The following THRB variants were observed in gnomAD, a reference collection of about 807,000 sequenced individuals.
THRB encodes nuclear receptor subfamily 1 group A member 2.
Under a neutral mutation model 47.8 loss-of-function variants are expected in THRB, and 12 were observed. The ratio of observed to expected loss-of-function variants is 0.25; its 90% CI spans 0.16 to 0.41. THRB has a LOEUF of 0.41. Among genes scored for constraint, THRB ranks in the 10% least tolerant of loss-of-function variants. The probability of loss-of-function intolerance (pLI) is 1.00; values close to 1 mark genes in which losing one functional copy is unlikely to be tolerated. For missense variants in THRB, 348 were observed against 589.2 expected (o/e 0.59, Z 4.24); for synonymous variants, 218 against 212.2 (o/e 1.03, Z -0.24).
At chr3:24,486,341 G>C (rs929628161) in intron 1 of THRB, 1 of 152,100 alleles carries the variant, frequency 6.6e-6, no homozygotes, top group Admixed American at 6.6e-5. Context: ...AAGATTCCGA[G>C]CATCTCATCC....
chr3:24,407,998 T>A (rs1425233340), intron 1 of THRB, among the ~76,000 whole-genome samples: 1 of 151,918 alleles, frequency 6.6e-6, no homozygotes, highest in African/African-American at 2.4e-5. Flanking sequence ...CCTTTTCATA[T>A]GATTAAAAAG....
At chr3:24,257,223 G>C (rs2051387915) in intron 3 of THRB, among the ~76,000 whole-genome samples, 1 of 151,812 alleles carries the variant, frequency 6.6e-6, no homozygotes, top group South Asian at 2.1e-4. Context: ...GATGCCTTTA[G>C]TTTTTATTTT....
chr3:24,440,182 C>A (rs1019554449), intron 1 of THRB, among the ~76,000 whole-genome samples: 2 of 152,124 alleles, frequency 1.3e-5, no homozygotes, highest in African/African-American at 2.4e-5. Context: ...CATACTTGTT[C>A]AATTAAAACT....
At chr3:24,340,695 A>G (rs1027216547) in intron 1 of THRB, among the ~76,000 whole-genome samples, 2 of 152,204 alleles carry the variant, frequency 1.3e-5, no homozygotes, top group African/African-American at 4.8e-5. Flanking sequence ...TGGCCATTCA[A>G]TGGGAATGCA....
At chr3:24,190,490 C>T (rs139405267) in intron 4 of THRB, among the ~76,000 whole-genome samples, 156 bp from the exon 5 acceptor site, 70 of 151,956 alleles carry the variant, frequency 4.6e-4, no homozygotes, top group African/African-American at 1.6e-3. Flanking sequence ...AATTTGTCAG[C>T]CTTGGGCATT....
chr3:24,197,182 C>T (rs1054703551), intron 4 of THRB, among the ~76,000 whole-genome samples: 1 of 152,218 alleles, frequency 6.6e-6, no homozygotes, highest in Non-Finnish European at 1.5e-5. Context: ...GGACATAATT[C>T]ATGCCCAGTT....
chr3:24,222,491 C>T (rs1667743), intron 4 of THRB, among the ~76,000 whole-genome samples: 1 of 151,866 alleles, frequency 6.6e-6, no homozygotes, highest in African/African-American at 2.4e-5. Flanking sequence ...TGTGTACAGC[C>T]GACTCATCAG....
intron 1 of THRB, among the ~76,000 whole-genome samples, chr3:24,477,006 G>T (rs1360203514): frequency 1.4e-5 from 2 of 137,932 alleles, no homozygotes; most frequent in African/African-American, 3.0e-5. Context: ...TGGTTTTCAA[G>T]ATTTTTTTTT....
intron 3 of THRB, among the ~76,000 whole-genome samples, chr3:24,269,278 CA>C (rs1404788228): frequency 0.1 from 83 of 822 alleles, no homozygotes; most frequent in African/African-American, 0.32. Flanking sequence ...ATGGATACAC[CA>C]CACACACACA....
intron 1 of THRB, among the ~76,000 whole-genome samples, chr3:24,407,425 A>G (rs2067916880): frequency 6.6e-6 from 1 of 151,766 alleles, no homozygotes; most frequent in African/African-American, 2.4e-5. Flanking sequence ...GGGGATGTGT[A>G]TATAATACCA....
rs542965462 is a variant in THRB at position 24,456,977 on chromosome 3, T to A, written c.-261+37675A>T. ...TTGTAAGGTTTGGGGCTTTTTGGTG[T>A]CATCAATTGGCAAACCTCTCCTAAT... On this transcript the variant is annotated intron_variant, in intron 1 of 10. Coordinates refer to ENST00000646209, the MANE Select transcript of THRB (RefSeq NM_001354712.2). Among the ~76,000 whole-genome samples, 3 of 152,234 alleles carry A rather than the reference T, an allele frequency of 2.0e-5. No individual in the cohort carries two copies. The East Asian group carries it at 5.8e-4, about 29-fold the overall frequency.
chr3:24,128,498 G>A (rs1418417021), intron 9 of THRB, among the ~76,000 whole-genome samples: 1 of 152,166 alleles, frequency 6.6e-6, no homozygotes, highest in African/African-American at 2.4e-5. Context: ...TGAGAATGTG[G>A]CAACGTTAAT....
At chr3:24,475,967 C>T in intron 1 of THRB, among the ~76,000 whole-genome samples, 1 of 152,188 alleles carries the variant, frequency 6.6e-6, no homozygotes, top group East Asian at 1.9e-4. Flanking sequence ...TCAGGAAAAT[C>T]TGAGGCCCTG....
At chr3:24,168,576 T>A (rs1054988325) in intron 5 of THRB, among the ~76,000 whole-genome samples, 1 of 151,192 alleles carries the variant, frequency 6.6e-6, no homozygotes, top group African/African-American at 2.4e-5. Flanking sequence ...GCATCAAGAT[T>A]TTTAAAAGAA....
intron 7 of THRB, 89 bp downstream of exon 7, chr3:24,146,586 G>T: frequency 2.2e-6 from 3 of 1,379,090 alleles, no homozygotes; most frequent in Non-Finnish European, 3.1e-6. Context: ...TTGGGTTCCT[G>T]CCTTCTTTTC....
intron 5 of THRB, among the ~76,000 whole-genome samples, chr3:24,159,045 A>ATTTT (rs2038354173): frequency 1.3e-5 from 2 of 152,204 alleles, no homozygotes; most frequent in Non-Finnish European, 2.9e-5. Flanking sequence ...TGCTGTGAGA[A>ATTTT]GCAATTTATA....
chr3:24,277,521 A>G (rs909565777), intron 3 of THRB, among the ~76,000 whole-genome samples: 1 of 152,174 alleles, frequency 6.6e-6, no homozygotes, highest in African/African-American at 2.4e-5. Flanking sequence ...TTCCCCGGTG[A>G]TGCTGATGCT....
At chr3:24,252,821 G>A (rs775952306) in intron 3 of THRB, among the ~76,000 whole-genome samples, 10 of 151,866 alleles carry the variant, frequency 6.6e-5, no homozygotes, top group African/African-American at 2.2e-4. Flanking sequence ...CAGTGTACAC[G>A]GTATGTGACA....
chr3:24,146,266 T>C (rs1370950101), intron 7 of THRB, among the ~76,000 whole-genome samples: 2 of 152,376 alleles, frequency 1.3e-5, no homozygotes, highest in East Asian at 3.9e-4. Context: ...ATATTAGGAC[T>C]AGTCCCTGAG....
Sources: gnomAD v4.1 joint callset for allele counts (sites outside exome capture counted in the v4.1 genomes callset) on GRCh38, gnomAD v4.1.1 for gene constraint, MANE v1.5 for transcripts, NCBI Gene and HGNC (gene_info 2026-07-23, HGNC 2026-07-21) for gene names.